The following HIVEP3 variants were observed in gnomAD, a reference collection of about 807,000 sequenced individuals.
The protein encoded by HIVEP3 is HIVEP zinc finger 3, also known as transcription factor HIVEP3.
A neutral mutation model predicts 152.8 loss-of-function variants in HIVEP3; 49 were observed. That is an observed-to-expected ratio of 0.32 (90% CI 0.26 to 0.41). HIVEP3 has a LOEUF of 0.41. Ranked by LOEUF, HIVEP3 falls within the 10% of genes least tolerant of loss-of-function variation. HIVEP3 has a pLI of 1.00. For synonymous variants in HIVEP3, 1,269 were observed against 1,289.0 expected (o/e 0.98, Z 0.33); for missense variants, 2,790 against 3,103.3 (o/e 0.90, Z 2.40).
chr1:41,818,036 A>C (rs1642463750), intron 1 of HIVEP3, among the ~76,000 whole-genome samples: 1 of 152,212 alleles, frequency 6.6e-6, no homozygotes, highest in African/African-American at 2.4e-5. Context: ...TCACAGGCAT[A>C]TGAAGACTGG....
chr1:41,753,000 T>A (rs1647189883), intron 1 of HIVEP3, among the ~76,000 whole-genome samples: 1 of 152,236 alleles, frequency 6.6e-6, no homozygotes, highest in Non-Finnish European at 1.5e-5. Flanking sequence ...TTATTGAGCG[T>A]GTTTACAACC....
At chr1:41,735,351 C>T (rs149535651) in intron 1 of HIVEP3, among the ~76,000 whole-genome samples, 10 of 152,266 alleles carry the variant, frequency 6.6e-5, no homozygotes, top group South Asian at 2.1e-4. Flanking sequence ...AAGATGATGA[C>T]GATGAAGGTG....
At chr1:41,797,720 G>A (rs969742868) in intron 1 of HIVEP3, among the ~76,000 whole-genome samples, 1 of 152,186 alleles carries the variant, frequency 6.6e-6, no homozygotes, top group East Asian at 1.9e-4. Flanking sequence ...CAGGCACGGT[G>A]GCTCATGCCT....
rs80191481 is a variant in HIVEP3 at position 41,575,813 on chromosome 1, C to A, written c.5062-124G>T. On this transcript the variant is annotated intron_variant, in intron 4 of 8. Transcript: ENST00000372583. Reference sequence around the variant, plus strand: ...AGTACACATATGCAATCTTCACACTCCCCCATGAAGAGGTGCTATTAGCTC... The same window carrying A: ...AGTACACATATGCAATCTTCACACTACCCCATGAAGAGGTGCTATTAGCTC... 3,994 of 1,026,982 alleles carry A rather than the reference C, an allele frequency of 3.9e-3. 113 individuals carry two copies. In the South Asian group the frequency reaches 0.041, roughly 10 times the overall value. 63.6% of individuals were successfully genotyped at this position (1,026,982 alleles called of 1,614,324 possible). A position where few individuals can be genotyped will look rare whatever the true frequency, so the allele number is the denominator to read the frequency against.
At position 41,792,271 on chromosome 1, in the gene HIVEP3, G is replaced by A. The variant is rs187091389; in HGVS notation, c.-800-91276C>T. On this transcript the variant is annotated intron_variant, in intron 1 of 8. Transcript: ENST00000372583. ...GTTTCATCTGGGATTCTGGCCCAAG[G>A]GGCAGGGCTATGTCCTTGGGAGAGG... Among the ~76,000 whole-genome samples, 7 of 152,352 alleles carry A rather than the reference G, an allele frequency of 4.6e-5. 1 individual carries two copies. The highest frequency in any genetic ancestry group is 4.6e-4 in the Admixed American group (7 of 15,306).
intron 1 of HIVEP3, among the ~76,000 whole-genome samples, chr1:42,016,250 G>A (rs72672728): frequency 0.016 from 2,407 of 152,196 alleles, 50 homozygotes; most frequent in African/African-American, 0.051. Context: ...GAAAGTATCT[G>A]TGTTCTGTAT....
chr1:41,718,798 G>T (rs577647633), intron 1 of HIVEP3, among the ~76,000 whole-genome samples: 1 of 145,920 alleles, frequency 6.9e-6, no homozygotes, highest in Non-Finnish European at 1.5e-5. Context: ...ACACACACAC[G>T]TGCACACACA....
At chr1:41,988,998 T>C (rs1645340736) in intron 1 of HIVEP3, among the ~76,000 whole-genome samples, 1 of 152,148 alleles carries the variant, frequency 6.6e-6, no homozygotes, top group African/African-American at 2.4e-5. Flanking sequence ...ATCTCACTTG[T>C]ATGTGGAATC....
chr1:41,938,251 G>A (rs1274010700), intron 1 of HIVEP3, among the ~76,000 whole-genome samples: 1 of 152,142 alleles, frequency 6.6e-6, no homozygotes, highest in Non-Finnish European at 1.5e-5. Flanking sequence ...ACCAAAATAT[G>A]TATTAACCTC....
rs565885454 is a variant in HIVEP3 at position 41,527,417 on chromosome 1, C to T, written c.5208-2507G>A. On this transcript the variant is annotated intron_variant, in intron 5 of 8. Coordinates refer to ENST00000372583, the MANE Select transcript of HIVEP3 (RefSeq NM_024503.5). ...ACTCCACACCCTGCCCTCACACTCACCTTCACTCACACTCCACACCCCACC... is the reference window on the plus strand; with the variant it reads ...ACTCCACACCCTGCCCTCACACTCATCTTCACTCACACTCCACACCCCACC... Among the ~76,000 whole-genome samples, 4 of 145,472 alleles carry T rather than the reference C, an allele frequency of 2.7e-5. No homozygotes were observed. The South Asian group carries it at 6.7e-4, about 24-fold the overall frequency.
chr1:41,570,550 G>A (rs968783508), intron 5 of HIVEP3, among the ~76,000 whole-genome samples: 1 of 152,086 alleles, frequency 6.6e-6, no homozygotes, highest in Non-Finnish European at 1.5e-5. Context: ...GGTCTCCCCA[G>A]CCATGTGAAT....
chr1:41,897,718 G>C (rs898231696), intron 1 of HIVEP3, among the ~76,000 whole-genome samples: 8 of 152,104 alleles, frequency 5.3e-5, no homozygotes. Context: ...CAGTTGGACA[G>C]AGACAAACAC....
At position 41,696,456 on chromosome 1, in the gene HIVEP3, G is replaced by T. The variant is rs552452771; in HGVS notation, c.-721+4460C>A. The stretch of plus-strand genomic sequence containing the variant: ...AAGGTGGGATGCTTCTTCCTGCACC[G>T]TTGGCAGCTGTCTACATAAGGTGCC... On this transcript the variant is annotated intron_variant, in intron 2 of 8. Transcript: ENST00000372583. Among the ~76,000 whole-genome samples the T allele has an allele frequency of 7.2e-5, 11 of 152,362 alleles. No individual in the cohort carries two copies. In the South Asian group the frequency reaches 2.3e-3, roughly 32 times the overall value.
At chr1:41,774,681 T>C (rs574903338) in intron 1 of HIVEP3, among the ~76,000 whole-genome samples, 5 of 152,314 alleles carry the variant, frequency 3.3e-5, no homozygotes, top group African/African-American at 9.6e-5. Flanking sequence ...GATTAAATAA[T>C]ACATTTTAGA....
At chr1:41,587,346 AAAGCAGGCTGAGTGTGGGG>A (rs762142076) in intron 3 of HIVEP3, among the ~76,000 whole-genome samples, 10 of 152,224 alleles carry the variant, frequency 6.6e-5, no homozygotes, top group South Asian at 2.1e-4. Context: ...GACTTGTACC[AAAGCAGGCTGAGTGTGGGG>A]AAGACAGACA....
At chr1:41,807,027 C>T (rs959235201) in intron 1 of HIVEP3, among the ~76,000 whole-genome samples, 4 of 150,834 alleles carry the variant, frequency 2.7e-5, no homozygotes, top group African/African-American at 9.8e-5. Context: ...CCTCCCCGCC[C>T]AGCCCACCTA....
intron 1 of HIVEP3, among the ~76,000 whole-genome samples, chr1:41,730,534 G>T (rs958669739): frequency 2.6e-5 from 4 of 152,260 alleles, no homozygotes; most frequent in Non-Finnish European, 5.9e-5. Context: ...AATGCTGGGG[G>T]AGACCCTGGA....
intron 1 of HIVEP3, among the ~76,000 whole-genome samples, chr1:41,839,882 T>A (rs557718910): frequency 6.6e-6 from 1 of 152,332 alleles, no homozygotes; most frequent in East Asian, 1.9e-4. Context: ...CTTCTCTTAT[T>A]TTATTCTCAG....
At chr1:41,922,305 GC>G (rs2124475700), upstream of HIVEP3, among the ~76,000 whole-genome samples, 1 of 152,294 alleles carries the variant, frequency 6.6e-6, no homozygotes, top group South Asian at 2.1e-4. Context: ...GTAACACTAT[GC>G]TAAAAGACAC....
Sources: gnomAD v4.1 joint callset for allele counts (sites outside exome capture counted in the v4.1 genomes callset) on GRCh38, gnomAD v4.1.1 for gene constraint, MANE v1.5 for transcripts, NCBI Gene and HGNC (gene_info 2026-07-23, HGNC 2026-07-21) for gene names.